THSD7B: variants seen among roughly 807,000 people sequenced by gnomAD.
The protein encoded by THSD7B is thrombospondin type-1 domain-containing protein 7B.
In THSD7B, 138 loss-of-function variants were observed where a neutral mutation model predicts 213.6. The ratio of observed to expected loss-of-function variants is 0.65; its 90% CI spans 0.56 to 0.74. The LOEUF (loss-of-function observed/expected upper bound fraction) is 0.74, where lower values mean the gene tolerates loss of function less well. Ranked by LOEUF, THSD7B falls within the 30% of genes least tolerant of loss-of-function variation. The pLI is 0.00. For missense variants in THSD7B, 1,931 were observed against 1,991.5 expected (o/e 0.97, Z 0.58); for synonymous variants, 742 against 687.0 (o/e 1.08, Z -1.25).
At chr2:137,147,856 A>G (rs1023502000) in intron 5 of THSD7B, among the ~76,000 whole-genome samples, 3 of 151,946 alleles carry the variant, frequency 2.0e-5, no homozygotes, top group African/African-American at 4.8e-5. Context: ...TATCTCAACC[A>G]TGCTTTTGTA....
Position 137,220,802 on chromosome 2 carries a change from C to G in THSD7B, c.1724-10242C>G, listed in dbSNP as rs572799603. On this transcript the variant is annotated intron_variant, in intron 7 of 27. Coordinates refer to ENST00000409968, the MANE Select transcript of THSD7B (RefSeq NM_001316349.2). The stretch of plus-strand genomic sequence containing the variant: ...GTCTTTAAGCAGGAGAATGAATAAA[C>G]AAAACCTTCTACATCCATACAATGC... 1.3e-4 allele frequency among the ~76,000 whole-genome samples: 19 copies of G among 150,868 alleles called. No individual in the cohort carries two copies. The East Asian group carries it at 3.7e-3, about 29-fold the overall frequency.
chr2:136,771,783 G>A (rs1345785666), intron 1 of THSD7B, among the ~76,000 whole-genome samples: 2 of 152,116 alleles, frequency 1.3e-5, no homozygotes, highest in African/African-American at 2.4e-5. Context: ...ATGGTGAAGG[G>A]CACCACTCTC....
At chr2:137,066,508 A>G (rs1418656780) in intron 3 of THSD7B, among the ~76,000 whole-genome samples, 1 of 152,024 alleles carries the variant, frequency 6.6e-6, no homozygotes, top group African/African-American at 2.4e-5. Flanking sequence ...TTTTGCTTTC[A>G]ATAGCACATG....
intron 2 of THSD7B, among the ~76,000 whole-genome samples, chr2:136,991,478 T>A (rs1490702978): frequency 6.6e-6 from 1 of 152,140 alleles, no homozygotes; most frequent in African/African-American, 2.4e-5. Context: ...TACCTTTTTT[T>A]TGTCATGAAT....
intron 2 of THSD7B, among the ~76,000 whole-genome samples, chr2:136,995,947 A>G (rs1354003170): frequency 6.6e-6 from 1 of 152,144 alleles, no homozygotes; most frequent in Admixed American, 6.5e-5. Context: ...TCTGCAGTAG[A>G]TTCTGTCAGC....
At chr2:137,101,504 A>G (rs779289153) in intron 4 of THSD7B, among the ~76,000 whole-genome samples, 1 of 152,196 alleles carries the variant, frequency 6.6e-6, no homozygotes, top group Non-Finnish European at 1.5e-5. Context: ...GTTTATTTTC[A>G]TATCCCAGTG....
chr2:137,147,467 TA>T (rs70975801), intron 5 of THSD7B, among the ~76,000 whole-genome samples: 205 of 144,692 alleles, frequency 1.4e-3, no homozygotes, highest in South Asian at 3.5e-3. Context: ...CTCCTTCCTT[TA>T]AAAAAAAAAA....
intron 12 of THSD7B, among the ~76,000 whole-genome samples, chr2:137,315,066 C>T (rs1057476208): frequency 1.3e-5 from 2 of 152,226 alleles, no homozygotes; most frequent in African/African-American, 4.8e-5. Flanking sequence ...CTTTGTTTAC[C>T]TAAGCAAGCC....
chr2:137,175,076 A>G (rs1680333716), intron 7 of THSD7B, among the ~76,000 whole-genome samples: 1 of 152,200 alleles, frequency 6.6e-6, no homozygotes, highest in Non-Finnish European at 1.5e-5. Context: ...AAAAACCCTC[A>G]TAATGCCAGG....
At chr2:136,772,309 A>T (rs1032430093) in intron 1 of THSD7B, among the ~76,000 whole-genome samples, 1 of 152,168 alleles carries the variant, frequency 6.6e-6, no homozygotes, top group African/African-American at 2.4e-5. Flanking sequence ...GACAGGAAGA[A>T]TATTGCTGAA....
intron 14 of THSD7B, among the ~76,000 whole-genome samples, chr2:137,413,341 T>C (rs1440347310): frequency 6.6e-6 from 1 of 152,248 alleles, no homozygotes; most frequent in African/African-American, 2.4e-5. Context: ...ATCTGCTATG[T>C]ACCTGGACAT....
intron 5 of THSD7B, among the ~76,000 whole-genome samples, chr2:137,155,710 T>G (rs1679898250): frequency 6.6e-6 from 1 of 152,150 alleles, no homozygotes; most frequent in African/African-American, 2.4e-5. Flanking sequence ...TGGGGACCAT[T>G]TGGGAAAAGA....
intron 12 of THSD7B, among the ~76,000 whole-genome samples, chr2:137,373,322 C>A (rs969601493): frequency 1.1e-4 from 16 of 152,242 alleles, no homozygotes; most frequent in African/African-American, 2.9e-4. Context: ...CAACAGTGTA[C>A]AAGTGTTCCT....
intron 5 of THSD7B, among the ~76,000 whole-genome samples, chr2:137,123,919 G>C (rs1044253248): frequency 3.3e-5 from 5 of 152,196 alleles, no homozygotes; most frequent in African/African-American, 1.2e-4. Context: ...ACTTCGCAAC[G>C]GTTAGCACAT....
rs968396356 is a variant in THSD7B at position 137,112,588 on chromosome 2, A to G, written c.1200-2536A>G. Among the ~76,000 whole-genome samples, 7 of 152,320 alleles carry G rather than the reference A, an allele frequency of 4.6e-5. No individual in the cohort carries two copies. In the East Asian group the frequency reaches 1.2e-3, roughly 25 times the overall value. On this transcript the variant is annotated intron_variant, in intron 4 of 27. Transcript: ENST00000409968. Reference sequence around the variant, plus strand: ...TCATGTTAAATTAATTGTAAAAGCAATTTATACAGAATGCCCCATTCCTTT... The same window carrying G: ...TCATGTTAAATTAATTGTAAAAGCAGTTTATACAGAATGCCCCATTCCTTT...
intron 2 of THSD7B, among the ~76,000 whole-genome samples, chr2:137,007,690 G>A (rs1686143808): frequency 6.6e-6 from 1 of 151,424 alleles, no homozygotes; most frequent in African/African-American, 2.4e-5. Context: ...GTATCATTTT[G>A]GTAGCATAAA....
At chr2:136,919,233 GAATA>G (rs1684396211) in intron 2 of THSD7B, among the ~76,000 whole-genome samples, 1 of 152,158 alleles carries the variant, frequency 6.6e-6, no homozygotes, top group Non-Finnish European at 1.5e-5. Flanking sequence ...AACAACCAGA[GAATA>G]AATAGTTGCC....
chr2:137,232,174 A>G (rs1573901506), intron 8 of THSD7B, among the ~76,000 whole-genome samples: 1 of 152,186 alleles, frequency 6.6e-6, no homozygotes, highest in Non-Finnish European at 1.5e-5. Flanking sequence ...GCAAAGATCG[A>G]TGCTTTAGAT....
At chr2:137,335,892 G>C (rs1357212128) in intron 12 of THSD7B, among the ~76,000 whole-genome samples, 1 of 151,148 alleles carries the variant, frequency 6.6e-6, no homozygotes, top group Non-Finnish European at 1.5e-5. Flanking sequence ...TTCTTTTTTA[G>C]TTTATAGCAG....
Sources: allele counts gnomAD v4.1 joint callset (sites outside exome capture counted in the v4.1 genomes callset), GRCh38; gene constraint gnomAD v4.1.1; transcripts MANE v1.5; gene names NCBI Gene and HGNC (gene_info 2026-07-23, HGNC 2026-07-21).